Variants in ORC3 observed in about 807,000 individuals in gnomAD.
The protein encoded by ORC3 is homolog of latheo, Drosophila.
Under a neutral mutation model 100.7 loss-of-function variants are expected in ORC3, and 78 were observed. The ratio of observed to expected loss-of-function variants is 0.77; its 90% CI spans 0.65 to 0.94. The LOEUF is 0.94. ORC3 is among the 40% of genes least tolerant of loss of function. ORC3 has a pLI of 0.00. For missense variants in ORC3, 789 were observed against 823.9 expected (o/e 0.96, Z 0.52); for synonymous variants, 295 against 289.3 (o/e 1.02, Z -0.20).
chr6:87,613,863 C>T (rs899637008), intron 8 of ORC3, among the ~76,000 whole-genome samples: 8 of 152,228 alleles, frequency 5.3e-5, no homozygotes, highest in Non-Finnish European at 1.0e-4. Context: ...GTTACAGCCT[C>T]CCTCCTGGCT....
chr6:87,667,627 C>T (rs903803079), downstream of ORC3, among the ~76,000 whole-genome samples: 2 of 150,474 alleles, frequency 1.3e-5, no homozygotes, highest in African/African-American at 4.9e-5. Flanking sequence ...AGTCTTACAA[C>T]TTTAAAGAAA....
At chr6:87,649,997 C>T (rs1769120409) in intron 13 of ORC3, among the ~76,000 whole-genome samples, 3 of 148,526 alleles carry the variant, frequency 2.0e-5, no homozygotes, top group African/African-American at 7.4e-5. Context: ...ATATTGATTA[C>T]ATTATATGGA....
chr6:87,620,180 G>A (rs1583058876), intron 9 of ORC3, among the ~76,000 whole-genome samples: 2 of 152,014 alleles, frequency 1.3e-5, no homozygotes, highest in South Asian at 2.1e-4. Flanking sequence ...TTCCTCTTCC[G>A]CAGCAAGCCC....
At position 87,651,294 on chromosome 6, in the gene ORC3, C is replaced by T. The variant is rs1383348442; in HGVS notation, c.1383-1822C>T. Reference sequence around the variant, plus strand: ...TGCTAACTTGGGTTAGATCTTCTGCCAGCAGAACCTCACCCGTCTTTCCCC... The same window carrying T: ...TGCTAACTTGGGTTAGATCTTCTGCTAGCAGAACCTCACCCGTCTTTCCCC... On this transcript the variant is annotated intron_variant, in intron 13 of 19. Coordinates refer to ENST00000392844, the MANE Select transcript of ORC3 (RefSeq NM_012381.4). 6.6e-6 allele frequency: 3 copies of T among 456,266 alleles called. No individual in the cohort carries two copies. The East Asian group carries it at 2.1e-4, about 32-fold the overall frequency. The allele number at this position is 456,266 out of a possible 1,614,324, so 28.3% of individuals were successfully genotyped here. A position where few individuals can be genotyped will look rare whatever the true frequency, so the allele number is the denominator to read the frequency against.
At chr6:87,595,725 TA>T (rs1223320908) in intron 2 of ORC3, among the ~76,000 whole-genome samples, 1 of 152,200 alleles carries the variant, frequency 6.6e-6, no homozygotes, top group Admixed American at 6.5e-5. Context: ...TAGACACACA[TA>T]CTCATGATAT....
chr6:87,619,446 G>T (rs532554543), intron 9 of ORC3, among the ~76,000 whole-genome samples: 1 of 151,932 alleles, frequency 6.6e-6, no homozygotes, highest in African/African-American at 2.4e-5. Flanking sequence ...TCGCTCTGTC[G>T]CCCAGGCTGG....
downstream of ORC3, among the ~76,000 whole-genome samples, chr6:87,668,003 CAGTA>C (rs1248577935): frequency 3.3e-5 from 5 of 152,112 alleles, no homozygotes; most frequent in African/African-American, 1.2e-4. Flanking sequence ...GTCATGGAGC[CAGTA>C]AGGCCTCTAC....
Position 87,644,083 on chromosome 6 carries a change from T to C in ORC3, c.1382+7597T>C, listed in dbSNP as rs1193441947. ...AGATACAGATGGCTGACTGTCCTTT[T>C]TTTTTTTTTTTTTTTTTTTTTTTTT... is the stretch of plus-strand genomic sequence containing the variant. On this transcript the variant is annotated intron_variant, in intron 13 of 19. Coordinates refer to ENST00000392844, the MANE Select transcript of ORC3 (RefSeq NM_012381.4). Among the ~76,000 whole-genome samples, 70 of 64,030 alleles carry C rather than the reference T, an allele frequency of 1.1e-3. 3 individuals carry two copies. The highest frequency in any genetic ancestry group is 1.9e-3 in the South Asian group (3 of 1,610). The allele number at this position is 64,030 out of a possible 152,430, so 42.0% of individuals were successfully genotyped here. A position where few individuals can be genotyped will look rare whatever the true frequency, so the allele number is the denominator to read the frequency against.
chr6:87,623,665 C>G (rs1779686596), intron 11 of ORC3, among the ~76,000 whole-genome samples: 1 of 152,110 alleles, frequency 6.6e-6, no homozygotes, highest in South Asian at 2.1e-4. Context: ...GGGTGGATCA[C>G]TTGAGGTGAG....
At chr6:87,674,083 C>T in the ORC3 span, among the ~76,000 whole-genome samples, 3 of 151,712 alleles carry the variant, frequency 2.0e-5, no homozygotes, top group East Asian at 5.9e-4. Context: ...GGCAGATCAC[C>T]TGAGGTCAGG....
intron 8 of ORC3, among the ~76,000 whole-genome samples, chr6:87,613,702 C>G (rs1444902838): frequency 2.6e-5 from 4 of 152,174 alleles, no homozygotes; most frequent in Non-Finnish European, 4.4e-5. Flanking sequence ...AAAGGAGTTA[C>G]AGGCCCCATG....
intron 8 of ORC3, among the ~76,000 whole-genome samples, chr6:87,614,683 A>C (rs1403519258): frequency 5.9e-5 from 9 of 152,298 alleles, no homozygotes; most frequent in African/African-American, 1.9e-4. Context: ...AAGTTCCACA[A>C]ATCTCTGGGG....
chr6:87,668,626 T>C (rs941737869), downstream of ORC3, among the ~76,000 whole-genome samples: 1 of 152,156 alleles, frequency 6.6e-6, no homozygotes, highest in African/African-American at 2.4e-5. Context: ...CGTGGTGGGC[T>C]GAGATGACAT....
At position 87,590,192 on chromosome 6, in the gene ORC3, G is replaced by GGTAT; in HGVS notation, c.24+3_24+6dup. ...CCATGGCTACGTCCTCGATGTCTAA[G>GGTAT]GTATGTGGTGGCCGATGCGCACTGT... is the stretch of plus-strand genomic sequence containing the variant. On this transcript the variant is annotated frameshift_variant and splice_region_variant. Transcript: ENST00000392844. LOFTEE classifies it high-confidence loss of function. 6.2e-7 allele frequency: 1 copy of GGTAT among 1,613,958 alleles called. No individual in the cohort carries two copies. The highest frequency in any genetic ancestry group is 8.5e-7 in the Non-Finnish European group (1 of 1,179,778).
chr6:87,637,695 A>G (rs951707180), intron 13 of ORC3, among the ~76,000 whole-genome samples: 3 of 152,180 alleles, frequency 2.0e-5, no homozygotes, highest in African/African-American at 7.2e-5. Flanking sequence ...TTCTTTTGTC[A>G]AAGAGGAACT....
intron 13 of ORC3, among the ~76,000 whole-genome samples, chr6:87,644,949 C>T (rs996867530): frequency 1.3e-5 from 2 of 151,974 alleles, no homozygotes; most frequent in Admixed American, 1.3e-4. Flanking sequence ...TGATGTATTC[C>T]ACAAAAAAGC....
rs190506142 is a variant in ORC3, at chr6:87,652,350, C to G, written c.1383-766C>G. Among the ~76,000 whole-genome samples the G allele has an allele frequency of 2.5e-3, 382 of 152,224 alleles. 2 individuals are homozygous for G. The highest frequency in any genetic ancestry group is 8.8e-3 in the African/African-American group (367 of 41,540). On this transcript the variant is annotated intron_variant, in intron 13 of 19. Coordinates refer to ENST00000392844, the MANE Select transcript of ORC3 (RefSeq NM_012381.4). ...CTGAGTATGATCTTAGTGGAGAAATCCTGTAAACTCCAAGAACAAGATCCT... is the reference window on the plus strand; with the variant it reads ...CTGAGTATGATCTTAGTGGAGAAATGCTGTAAACTCCAAGAACAAGATCCT...
chr6:87,676,596 A>ACAC, the ORC3 span, among the ~76,000 whole-genome samples: 2 of 142,146 alleles, frequency 1.4e-5, no homozygotes, highest in East Asian at 4.2e-4. Context: ...CTCTACTAAA[A>ACAC]ACACACACAC....
intron 11 of ORC3, among the ~76,000 whole-genome samples, chr6:87,624,293 G>A (rs1366525493): frequency 2.0e-5 from 3 of 152,070 alleles, no homozygotes; most frequent in South Asian, 4.1e-4. Context: ...AGACCAGCCT[G>A]GCCAATATGG....
Sources: gnomAD v4.1 joint callset for allele counts (sites outside exome capture counted in the v4.1 genomes callset) on GRCh38, gnomAD v4.1.1 for gene constraint, MANE v1.5 for transcripts, NCBI Gene and HGNC (gene_info 2026-07-23, HGNC 2026-07-21) for gene names.